CCDC141: variants seen among roughly 807,000 people sequenced by gnomAD.
CCDC141 encodes the protein coiled-coil domain containing 141, also known as coiled-coil domain-containing protein 141.
Under a neutral mutation model 181.0 loss-of-function variants are expected in CCDC141, and 168 were observed. The ratio of observed to expected loss-of-function variants is 0.93; its 90% CI spans 0.82 to 1.05. The LOEUF is 1.05. CCDC141 is among the 50% of genes least tolerant of loss of function. CCDC141 has a pLI of 0.00. For synonymous variants in CCDC141, 666 were observed against 642.3 expected (o/e 1.04, Z -0.56); for missense variants, 1,902 against 1,788.5 (o/e 1.06, Z -1.14).
intron 5 of CCDC141, among the ~76,000 whole-genome samples, chr2:178,952,421 A>T (rs1575259334): frequency 6.6e-6 from 1 of 152,300 alleles, no homozygotes; most frequent in Admixed American, 6.5e-5. Flanking sequence ...TACTATTATT[A>T]TTCCCATTTT....
At chr2:178,980,376 G>A (rs1691319495) in intron 2 of CCDC141, among the ~76,000 whole-genome samples, 1 of 152,140 alleles carries the variant, frequency 6.6e-6, no homozygotes, top group East Asian at 1.9e-4. Flanking sequence ...CATGAACCCA[G>A]GAGGTGGAGC....
chr2:178,829,900 A>G lies in CCDC141; in HGVS notation c.*4273T>C, dbSNP rs1401597422. On this transcript the variant is annotated 3_prime_UTR_variant, in exon 24 of 24. Coordinates refer to ENST00000443758, the MANE Select transcript of CCDC141 (RefSeq NM_173648.4). ...TCATGAATAAAGACAAACATAAAGC[A>G]GAACAAAATAAGATATTCTTTCCTT... The G allele has an allele frequency of 6.6e-6, 1 of 152,276 alleles. No homozygotes were observed. The highest frequency in any genetic ancestry group is 2.4e-5 in the African/African-American group (1 of 41,486). The allele number at this position is 152,276 out of a possible 1,614,324, so 9.4% of individuals were successfully genotyped here.
At chr2:178,996,276 G>T (rs564373823) in intron 2 of CCDC141, among the ~76,000 whole-genome samples, 1 of 151,866 alleles carries the variant, frequency 6.6e-6, no homozygotes, top group South Asian at 2.1e-4. Flanking sequence ...CGGGGTTTTG[G>T]CATGTTGGCC....
intron 5 of CCDC141, among the ~76,000 whole-genome samples, chr2:178,946,852 G>A (rs182922335): frequency 3.9e-5 from 6 of 152,284 alleles, no homozygotes; most frequent in African/African-American, 1.2e-4. Flanking sequence ...AAAGACATAC[G>A]ATAATGTTCA....
the CCDC141 span, among the ~76,000 whole-genome samples, chr2:178,816,992 C>T: frequency 5.9e-5 from 9 of 152,092 alleles, no homozygotes; most frequent in African/African-American, 1.9e-4. Context: ...GTTATATCTG[C>T]ACATTAGATT....
chr2:178,888,590 C>T lies in CCDC141; in HGVS notation c.1344G>A (p.Ala448=), dbSNP rs749126561. 38 of 1,550,522 alleles carry T rather than the reference C, an allele frequency of 2.5e-5. No individual in the cohort carries two copies. Among genetic ancestry groups the T allele is most frequent in the East Asian group, 4.9e-5 (2 of 40,936 alleles). ...GTTTCTTAAGAGCATATTCCTTGTG[C>T]GCTGAACACTGTTCGGTCAGATGAT... is the stretch of plus-strand genomic sequence containing the variant. The part of the protein sequence containing the change: ...RVDHLTEQCS[A]HKEYALKKQQ... Residue 448 remains alanine (A), a synonymous_variant, in exon 9 of 24, where the codon GCG becomes GCA. Coordinates refer to ENST00000443758, the MANE Select transcript of CCDC141 (RefSeq NM_173648.4).
chr2:178,994,346 C>A (rs996844298), intron 2 of CCDC141, among the ~76,000 whole-genome samples: 2 of 152,198 alleles, frequency 1.3e-5, no homozygotes, highest in Admixed American at 1.3e-4. Flanking sequence ...GGCTTGACAC[C>A]ATGTGGAAGC....
chr2:178,988,337 G>T (rs1321693323), intron 2 of CCDC141, among the ~76,000 whole-genome samples: 1 of 105,828 alleles, frequency 9.4e-6, no homozygotes, highest in Non-Finnish European at 1.8e-5. Context: ...GGGGAGGGGG[G>T]AGGGATAGCA....
chr2:178,827,632 C>T (rs1227859948), downstream of CCDC141, among the ~76,000 whole-genome samples: 2 of 152,044 alleles, frequency 1.3e-5, no homozygotes, highest in African/African-American at 4.8e-5. Flanking sequence ...CTAGGGTGAT[C>T]CCTTCAAATC....
At chr2:178,973,968 A>G (rs1691012180) in intron 4 of CCDC141, among the ~76,000 whole-genome samples, 1 of 152,180 alleles carries the variant, frequency 6.6e-6, no homozygotes, top group Admixed American at 6.5e-5. Context: ...GATGCTTTTT[A>G]TAATCCCTAT....
At chr2:178,875,910 G>GAGAT (rs1006437557) in intron 12 of CCDC141, 21 of 152,234 alleles carry the variant, frequency 1.4e-4, no homozygotes, top group African/African-American at 4.3e-4. Context: ...GAGAGAGACA[G>GAGAT]AGATAGATAG....
At chr2:178,871,841 A>G (rs2154369195) in intron 13 of CCDC141, among the ~76,000 whole-genome samples, 1 of 152,284 alleles carries the variant, frequency 6.6e-6, no homozygotes, top group South Asian at 2.1e-4. Flanking sequence ...TCAATGTGCA[A>G]TCAACATCAC....
rs866780379 is a variant in CCDC141, at chr2:178,834,377, C to A, written c.4389G>T (p.Arg1463Ser). The A allele has an allele frequency of 2.3e-5, 35 of 1,536,240 alleles. No individual in the cohort carries two copies. In the South Asian group the frequency reaches 3.1e-4, roughly 14 times the overall value. ...GHLQVLHKET[R>S]HSVFIPKVCK... Reference sequence around the variant, plus strand: ...ATACCTTTGGAATGAACACCGAATGCCTTGTCTCCTTGTGTAAAACCTGTA... The same window carrying A: ...ATACCTTTGGAATGAACACCGAATGACTTGTCTCCTTGTGTAAAACCTGTA... The change falls in exon 24 of 24, where the codon AGG becomes AGT. Residue 1463 changes from arginine (R) to serine (S), a missense_variant. By Grantham distance (110) the Arg-to-Ser change is moderately radical (BLOSUM62 -1). Coordinates refer to ENST00000443758, the MANE Select transcript of CCDC141 (RefSeq NM_173648.4).
chr2:178,891,996 G>A (rs1687177252), intron 8 of CCDC141, among the ~76,000 whole-genome samples: 1 of 152,016 alleles, frequency 6.6e-6, no homozygotes, highest in African/African-American at 2.4e-5. Context: ...AATAGTCTCT[G>A]GTCATTATTT....
chr2:179,046,699 C>A (rs2043509495), intron 2 of CCDC141, among the ~76,000 whole-genome samples: 1 of 152,164 alleles, frequency 6.6e-6, no homozygotes, highest in African/African-American at 2.4e-5. Flanking sequence ...CCCTGGGTCC[C>A]ACAGATTATG....
chr2:178,945,330 T>C (rs1255964435), intron 5 of CCDC141, among the ~76,000 whole-genome samples: 1 of 152,202 alleles, frequency 6.6e-6, no homozygotes, highest in South Asian at 2.1e-4. Context: ...GAATCCTGTA[T>C]AGCATTGTCC....
At position 178,870,231 on chromosome 2, in the gene CCDC141, C is replaced by CAAAAAAAAAAAAAAAAAAAAAA. The variant is rs34625707; in HGVS notation, c.2206-948_2206-927dup. The stretch of plus-strand genomic sequence containing the variant: ...TGGGCAACAGAGTAAGACTCTGTCT[C>CAAAAAAAAAAAAAAAAAAAAAA]AAAAAAAAAAAAAAAAAAAAAAAGA... On this transcript the variant is annotated intron_variant, in intron 14 of 23. Transcript: ENST00000443758. Among the ~76,000 whole-genome samples the CAAAAAAAAAAAAAAAAAAAAAA allele has an allele frequency of 6.1e-4, 37 of 60,288 alleles. 1 individual carries two copies. The highest frequency in any genetic ancestry group is 1.8e-3 in the East Asian group (4 of 2,214). 39.6% of individuals were successfully genotyped at this position (60,288 alleles called of 152,430 possible).
intron 22 of CCDC141, among the ~76,000 whole-genome samples, chr2:178,838,418 G>A (rs191910971): frequency 9.2e-4 from 140 of 152,046 alleles, no homozygotes; most frequent in African/African-American, 3.1e-3. Context: ...GTCTTCCCCC[G>A]ACTCAGCCTC....
chr2:178,918,969 C>A lies in CCDC141; in HGVS notation c.898-62G>T, dbSNP rs12467323. ...TCTGTTATGGACCGAATGCTTGTGT[C>A]CCCCCGAAATTCCTCTGCTGAAATC... On this transcript the variant is annotated intron_variant, in intron 6 of 23. Coordinates refer to ENST00000443758, the MANE Select transcript of CCDC141 (RefSeq NM_173648.4). 503,180 of 1,406,562 alleles carry A rather than the reference C, an allele frequency of 0.36. 98,907 individuals carry two copies. Among genetic ancestry groups the A allele is most frequent in the Non-Finnish European group, 0.41 (422,657 of 1,039,578 alleles). 87.1% of individuals were successfully genotyped at this position (1,406,562 alleles called of 1,614,324 possible). A position where few individuals can be genotyped will look rare whatever the true frequency, so the allele number is the denominator to read the frequency against.
Sources: allele counts gnomAD v4.1 joint callset (sites outside exome capture counted in the v4.1 genomes callset), GRCh38; gene constraint gnomAD v4.1.1; transcripts MANE v1.5; gene names NCBI Gene and HGNC (gene_info 2026-07-23, HGNC 2026-07-21).